The following UBE3A variants were observed in gnomAD, a reference collection of about 807,000 sequenced individuals.
UBE3A encodes the protein ubiquitin-protein ligase E3A.
UBE3A carries 6 observed loss-of-function variants against 83.4 expected under a neutral mutation model. The ratio of observed to expected loss-of-function variants is 0.07; its 90% CI spans 0.04 to 0.14. The LOEUF is 0.14. Ranked by LOEUF, UBE3A falls within the 10% of genes least tolerant of loss-of-function variation. The pLI, the probability that UBE3A is intolerant of heterozygous loss-of-function variation, is 1.00. For missense variants in UBE3A, 456 were observed against 1,036.1 expected (o/e 0.44, Z 7.69); for synonymous variants, 337 against 355.4 (o/e 0.95, Z 0.58).
At chr15:25,438,200 C>G (rs957423834) in intron 1 of UBE3A, 5 of 152,468 alleles carry the variant, frequency 3.3e-5, no homozygotes, top group African/African-American at 1.2e-4. Context: ...AGGCCCAAAT[C>G]TCGACGCCTC....
chr15:25,375,355 T>G, intron 5 of UBE3A, 110 bp downstream of exon 5: 7 of 1,335,978 alleles, frequency 5.2e-6, no homozygotes, highest in Non-Finnish European at 7.2e-6. Flanking sequence ...GGTTCTACGA[T>G]ATCAAAATGT....
At chr15:25,424,922 T>C (rs1890890195) in intron 1 of UBE3A, among the ~76,000 whole-genome samples, 1 of 152,126 alleles carries the variant, frequency 6.6e-6, no homozygotes, top group Non-Finnish European at 1.5e-5. Context: ...AGTATTAAGG[T>C]AGCAATACTT....
In UBE3A at chr15:25,354,412, T is replaced by C. The variant is rs371631295; in HGVS notation, c.2295A>G (p.Gln765=). 4.3e-6 allele frequency: 7 copies of C among 1,613,892 alleles called. No individual in the cohort carries two copies. In the African/African-American group the frequency reaches 8.0e-5, roughly 18 times the overall value. ...LICGSRNLDF[Q]ALEETTEYDG... Reference sequence around the variant, plus strand: ...CATATTCTGTAGTTTCTTCTAGTGCTTGGAAATCTAGATTCTGCAAATTCA... The same window carrying C: ...CATATTCTGTAGTTTCTTCTAGTGCCTGGAAATCTAGATTCTGCAAATTCA... The change falls in exon 11 of 13, where the codon CAA becomes CAG. Residue 765 remains glutamine (Q), a synonymous_variant. Transcript: ENST00000648336.
rs144427729 is a variant in UBE3A at position 25,434,621 on chromosome 15, A to C, written c.-165+3868T>G. On this transcript the variant is annotated intron_variant, in intron 1 of 12. Transcript: ENST00000648336. ...AGGCTGCCTTCTATTAATAGTGTAC[A>C]AAACACTCATATGTCTCCAAAAAGG... Among the ~76,000 whole-genome samples, 341 of 152,344 alleles carry C rather than the reference A, an allele frequency of 2.2e-3. 2 individuals carry two copies. Among genetic ancestry groups the C allele is most frequent in the Non-Finnish European group, 3.5e-3 (240 of 68,028 alleles).
intron 2 of UBE3A, among the ~76,000 whole-genome samples, chr15:25,410,878 G>T (rs974554658): frequency 2.0e-5 from 3 of 152,186 alleles, no homozygotes; most frequent in African/African-American, 7.2e-5. Flanking sequence ...AAACAATGTG[G>T]TCATGATACA....
At chr15:25,427,021 A>G (rs1469769334) in intron 1 of UBE3A, among the ~76,000 whole-genome samples, 4 of 152,026 alleles carry the variant, frequency 2.6e-5, no homozygotes, top group African/African-American at 9.7e-5. Context: ...CGTGGCCTCA[A>G]GTGACTCTCT....
Position 25,407,188 on chromosome 15 carries a change from C to T in UBE3A, c.21-1686G>A, listed in dbSNP as rs539602935. 1.8e-4 allele frequency: 241 copies of T among 1,333,824 alleles called. 2 individuals are homozygous for T. In the South Asian group the frequency reaches 2.2e-3, roughly 12 times the overall value. 82.6% of individuals were successfully genotyped at this position (1,333,824 alleles called of 1,614,324 possible). A position where few individuals can be genotyped will look rare whatever the true frequency, so the allele number is the denominator to read the frequency against. The stretch of plus-strand genomic sequence containing the variant: ...ACCAGCTGACTCATTTTTGAAAGTG[C>T]GACCCTCCAGCATCAGATGTCATAC... On this transcript the variant is annotated intron_variant, in intron 3 of 12. Coordinates refer to ENST00000648336, the MANE Select transcript of UBE3A (RefSeq NM_130839.5).
intron 4 of UBE3A, 69 bp downstream of exon 4, chr15:25,405,392 G>A (rs1163161898): frequency 2.7e-6 from 4 of 1,489,354 alleles, no homozygotes; most frequent in Non-Finnish European, 3.7e-6. Context: ...TCCAAATAAT[G>A]TGACGTAATT....
At chr15:25,372,607 A>G (rs1393865489) in intron 5 of UBE3A, among the ~76,000 whole-genome samples, 3 of 152,182 alleles carry the variant, frequency 2.0e-5, no homozygotes, top group Non-Finnish European at 4.4e-5. Context: ...ACTTTTTGAG[A>G]TAAGTGTTAT....
chr15:25,356,977 T>C, intron 7 of UBE3A, 81 bp from the exon 8 acceptor site: 1 of 1,162,874 alleles, frequency 8.6e-7, no homozygotes, highest in Non-Finnish European at 1.2e-6. Flanking sequence ...AAACTTAAAA[T>C]AATTATGCAT....
intron 1 of UBE3A, chr15:25,415,926 A>G (rs1017655720): frequency 6.6e-6 from 1 of 152,006 alleles, no homozygotes; most frequent in East Asian, 1.9e-4. Context: ...AGATGAACAA[A>G]GATACCATTT....
intron 4 of UBE3A, among the ~76,000 whole-genome samples, chr15:25,404,434 C>G (rs1037892125): frequency 6.6e-6 from 1 of 152,080 alleles, no homozygotes; most frequent in Middle Eastern, 3.2e-3. Flanking sequence ...CTTAATACCT[C>G]GAAAAACTTT....
At chr15:25,431,969 T>C (rs1205174671) in intron 1 of UBE3A, among the ~76,000 whole-genome samples, 1 of 152,238 alleles carries the variant, frequency 6.6e-6, no homozygotes. Context: ...TTTCCCCTTA[T>C]GACCCATTAG....
intron 5 of UBE3A, chr15:25,375,072 C>A: frequency 1.0e-5 from 2 of 198,430 alleles, no homozygotes; most frequent in Non-Finnish European, 1.0e-5. Context: ...GGAAAAAACC[C>A]ACTGTTTCCT....
intron 4 of UBE3A, among the ~76,000 whole-genome samples, chr15:25,388,636 G>A (rs892774672): frequency 2.0e-5 from 3 of 151,908 alleles, no homozygotes; most frequent in Non-Finnish European, 2.9e-5. Flanking sequence ...GTATACTAAC[G>A]GGGAACAAAA....
rs996434863 is a variant in UBE3A at position 25,335,608 on chromosome 15, T to A, written c.*3529A>T. 2 of 152,090 alleles carry A rather than the reference T, an allele frequency of 1.3e-5. No homozygotes were observed. Among genetic ancestry groups the A allele is most frequent in the Non-Finnish European group, 2.9e-5 (2 of 68,026 alleles). The allele number at this position is 152,090 out of a possible 1,614,324, so 9.4% of individuals were successfully genotyped here. ...ACAATTGAGGAATGAGAGATTTTGA[T>A]GATTGGGGTGAAGGTTACATTTCTT... On this transcript the variant is annotated 3_prime_UTR_variant, in exon 13 of 13. Transcript: ENST00000648336.
At chr15:25,346,703 G>T (rs1277131302) in intron 11 of UBE3A, 3 of 152,044 alleles carry the variant, frequency 2.0e-5, no homozygotes, top group Non-Finnish European at 4.4e-5. Context: ...AAAGCAAATG[G>T]AAATTATAGA....
At chr15:25,406,715 C>T (rs1255692552) in intron 3 of UBE3A, among the ~76,000 whole-genome samples, 1 of 146,912 alleles carries the variant, frequency 6.8e-6, no homozygotes, top group Admixed American at 6.7e-5. Flanking sequence ...CACACACACA[C>T]GCACACACAC....
chr15:25,345,658 A>G (rs2075575149), intron 11 of UBE3A: 1 of 152,188 alleles, frequency 6.6e-6, no homozygotes, highest in South Asian at 2.1e-4. Context: ...CATATACATG[A>G]GAATGGTGTC....
Sources: allele counts gnomAD v4.1 joint callset (sites outside exome capture counted in the v4.1 genomes callset), GRCh38; gene constraint gnomAD v4.1.1; transcripts MANE v1.5; gene names NCBI Gene and HGNC (gene_info 2026-07-23, HGNC 2026-07-21).